CCBE1: variants seen among roughly 807,000 people sequenced by gnomAD.
The protein encoded by CCBE1 is collagen and calcium binding EGF domains 1, also known as collagen and calcium-binding EGF domain-containing protein 1.
In CCBE1, 37 loss-of-function variants were observed where a neutral mutation model predicts 50.0. The observed-to-expected ratio is 0.74, with a 90% confidence interval of 0.57 to 0.97. The LOEUF is 0.97. Ranked by LOEUF, CCBE1 falls within the 50% of genes least tolerant of loss-of-function variation. The pLI is 0.00. For synonymous variants in CCBE1, 234 were observed against 203.7 expected (o/e 1.15, Z -1.27); for missense variants, 538 against 523.8 (o/e 1.03, Z -0.26).
chr18:59,440,906 T>G (rs1346542540), intron 7 of CCBE1, among the ~76,000 whole-genome samples: 1 of 152,178 alleles, frequency 6.6e-6, no homozygotes. Context: ...CAGGTGTGTG[T>G]GTAGGGGCTG....
intron 2 of CCBE1, among the ~76,000 whole-genome samples, chr18:59,487,332 TAA>T (rs1336756741): frequency 2.0e-5 from 3 of 152,082 alleles, no homozygotes; most frequent in African/African-American, 4.8e-5. Flanking sequence ...GCTGAGGGTT[TAA>T]AAGTGGTCCT....
chr18:59,657,184 C>T (rs2054202135), intron 2 of CCBE1, among the ~76,000 whole-genome samples: 1 of 152,178 alleles, frequency 6.6e-6, no homozygotes, highest in African/African-American at 2.4e-5. Context: ...CAGATTTACT[C>T]ATGCTACCTA....
chr18:59,514,004 G>A (rs145385353), intron 2 of CCBE1, among the ~76,000 whole-genome samples: 129 of 152,218 alleles, frequency 8.5e-4, no homozygotes, highest in African/African-American at 3.0e-3. Context: ...TAGCCACAAC[G>A]AGAACAGCAG....
rs2052893815 is a variant in CCBE1, at chr18:59,570,449, T to G, written c.213-90211A>C. Reference sequence around the variant, plus strand: ...ACCAGTTTTTGATGAGGGGCATCAATCATGTCTAAGGAGTGCCTGTCTCTG... The same window carrying G: ...ACCAGTTTTTGATGAGGGGCATCAAGCATGTCTAAGGAGTGCCTGTCTCTG... On this transcript the variant is annotated intron_variant, in intron 2 of 10. Transcript: ENST00000439986. Among the ~76,000 whole-genome samples, 5 of 152,196 alleles carry G rather than the reference T, an allele frequency of 3.3e-5. No individual in the cohort carries two copies. In the South Asian group the frequency reaches 1.0e-3, roughly 32 times the overall value.
chr18:59,631,105 T>C (rs987349870), intron 2 of CCBE1, among the ~76,000 whole-genome samples: 2 of 152,090 alleles, frequency 1.3e-5, no homozygotes, highest in African/African-American at 2.4e-5. Flanking sequence ...ATGACCTAGA[T>C]GTGGCCAAGC....
At chr18:59,634,440 G>C (rs1200898497) in intron 2 of CCBE1, among the ~76,000 whole-genome samples, 1 of 152,210 alleles carries the variant, frequency 6.6e-6, no homozygotes, top group African/African-American at 2.4e-5. Flanking sequence ...GCACTTCCAG[G>C]TATCTGGCAG....
At chr18:59,647,292 G>T (rs375799577) in intron 2 of CCBE1, among the ~76,000 whole-genome samples, 2 of 152,222 alleles carry the variant, frequency 1.3e-5, no homozygotes, top group Admixed American at 1.3e-4. Context: ...TTAAATGGCT[G>T]TATAATTAGT....
In CCBE1 at chr18:59,675,199, C is replaced by T. The variant is rs571662718; in HGVS notation, c.212+21430G>A. On this transcript the variant is annotated intron_variant, in intron 2 of 10. Transcript: ENST00000439986. ...TTGTTCCTATGAGCAGTTCTAGTGCCCAATGACAGAAGCCTCACTGCCAAT... is the reference window on the plus strand; with the variant it reads ...TTGTTCCTATGAGCAGTTCTAGTGCTCAATGACAGAAGCCTCACTGCCAAT... 1.4e-4 allele frequency among the ~76,000 whole-genome samples: 21 copies of T among 152,276 alleles called. 1 individual carries two copies. Among genetic ancestry groups the T allele is most frequent in the Admixed American group, 1.2e-3 (19 of 15,290 alleles).
chr18:59,516,116 G>A (rs1346918552), intron 2 of CCBE1, among the ~76,000 whole-genome samples: 5 of 152,154 alleles, frequency 3.3e-5, no homozygotes, highest in Middle Eastern at 3.4e-3. Context: ...GTCCCACCAC[G>A]CCCAGCTAAC....
chr18:59,680,733 AAAC>A (rs1353542720), intron 2 of CCBE1, among the ~76,000 whole-genome samples: 1 of 151,978 alleles, frequency 6.6e-6, no homozygotes, highest in Non-Finnish European at 1.5e-5. Flanking sequence ...AAACAAAACA[AAAC>A]AAAAATGAAG....
At chr18:59,521,194 C>T (rs1408813192) in intron 2 of CCBE1, among the ~76,000 whole-genome samples, 1 of 152,262 alleles carries the variant, frequency 6.6e-6, no homozygotes, top group South Asian at 2.1e-4. Context: ...AGAATTTTTA[C>T]AAAGTTGAAA....
chr18:59,572,597 G>A (rs1358187649), intron 2 of CCBE1, among the ~76,000 whole-genome samples: 3 of 152,302 alleles, frequency 2.0e-5, no homozygotes, highest in Non-Finnish European at 2.9e-5. Context: ...TATGAGAAAT[G>A]TCAAAATATA....
Position 59,487,003 on chromosome 18 carries a change from T to C in CCBE1, c.213-6765A>G, listed in dbSNP as rs953433678. Among the ~76,000 whole-genome samples the C allele has an allele frequency of 2.6e-5, 4 of 151,660 alleles. No individual in the cohort carries two copies. In the South Asian group the frequency reaches 8.4e-4, roughly 32 times the overall value. ...CCAAGCCAGAGAGCTGAGTAGAACC[T>C]GGCCTCTAGTAGATAATCCTGGTCA... On this transcript the variant is annotated intron_variant, in intron 2 of 10. Transcript: ENST00000439986.
At chr18:59,530,340 A>G (rs2144351733) in intron 2 of CCBE1, among the ~76,000 whole-genome samples, 1 of 152,350 alleles carries the variant, frequency 6.6e-6, no homozygotes, top group East Asian at 1.9e-4. Flanking sequence ...GGCAGGATCT[A>G]TAACATTGAG....
At chr18:59,471,854 C>A (rs1912050145) in intron 3 of CCBE1, among the ~76,000 whole-genome samples, 1 of 152,250 alleles carries the variant, frequency 6.6e-6, no homozygotes, top group African/African-American at 2.4e-5. Flanking sequence ...CAGCCTTTCT[C>A]TTCCATCCCA....
At chr18:59,568,788 C>A (rs1266864410) in intron 2 of CCBE1, among the ~76,000 whole-genome samples, 1 of 152,220 alleles carries the variant, frequency 6.6e-6, no homozygotes, top group Non-Finnish European at 1.5e-5. Flanking sequence ...ATCACCTGGA[C>A]ACCTCTGCCC....
intron 2 of CCBE1, among the ~76,000 whole-genome samples, chr18:59,629,469 T>C (rs1287538326): frequency 1.3e-5 from 2 of 152,222 alleles, no homozygotes; most frequent in African/African-American, 4.8e-5. Flanking sequence ...CCTCTCTCCC[T>C]TTCTCCTTTA....
intron 2 of CCBE1, among the ~76,000 whole-genome samples, chr18:59,553,274 A>G (rs1915993687): frequency 6.6e-6 from 1 of 152,326 alleles, no homozygotes; most frequent in South Asian, 2.1e-4. Flanking sequence ...AGCTCAATTG[A>G]TGCAACACAG....
chr18:59,686,307 C>T (rs750638023), intron 2 of CCBE1, among the ~76,000 whole-genome samples: 1 of 152,184 alleles, frequency 6.6e-6, no homozygotes, highest in Admixed American at 6.5e-5. Flanking sequence ...TCCAGCAGTC[C>T]TCCCTTCCTT....
Sources: gnomAD v4.1 joint callset for allele counts (sites outside exome capture counted in the v4.1 genomes callset) on GRCh38, gnomAD v4.1.1 for gene constraint, MANE v1.5 for transcripts, NCBI Gene and HGNC (gene_info 2026-07-23, HGNC 2026-07-21) for gene names.